The following RALYL variants were observed in gnomAD, a reference collection of about 807,000 sequenced individuals.
RALYL encodes RNA-binding Raly-like protein.
Under a neutral mutation model 35.1 loss-of-function variants are expected in RALYL, and 29 were observed. The ratio of observed to expected loss-of-function variants is 0.83; its 90% CI spans 0.61 to 1.13. The LOEUF is 1.13. Among genes scored for constraint, RALYL ranks in the 50% most tolerant of loss-of-function variants. The probability of loss-of-function intolerance (pLI) is 0.00; values close to 1 mark genes in which losing one functional copy is unlikely to be tolerated. For missense variants in RALYL, 359 were observed against 360.4 expected, an observed-to-expected ratio of 1.00 and a Z score of 0.03; for synonymous variants, 120 against 127.6, an observed-to-expected ratio of 0.94 and a Z score of 0.40.
At chr8:84,302,635 C>A (rs954024509) in intron 1 of RALYL, among the ~76,000 whole-genome samples, 2 of 152,088 alleles carry the variant, frequency 1.3e-5, no homozygotes, top group African/African-American at 4.8e-5. Context: ...AGTGGAAAGC[C>A]ATTTACGGGT....
At chr8:84,540,150 C>T (rs1215402518) in intron 2 of RALYL, among the ~76,000 whole-genome samples, 2 of 151,656 alleles carry the variant, frequency 1.3e-5, no homozygotes, top group African/African-American at 4.8e-5. Context: ...ACAACAATGT[C>T]TCTTGCAAAA....
chr8:84,692,867 A>T (rs775650930), intron 2 of RALYL, among the ~76,000 whole-genome samples: 3 of 151,982 alleles, frequency 2.0e-5, no homozygotes, highest in Non-Finnish European at 2.9e-5. Flanking sequence ...AAGAAAAGGG[A>T]GACATGGTAA....
intron 1 of RALYL, among the ~76,000 whole-genome samples, chr8:84,422,028 G>T (rs2045688007): frequency 6.6e-6 from 1 of 152,240 alleles, no homozygotes; most frequent in East Asian, 1.9e-4. Flanking sequence ...TTGTGTCTCT[G>T]CCTGACTTTG....
chr8:84,568,318 C>A (rs868228533), intron 2 of RALYL, among the ~76,000 whole-genome samples: 5 of 150,558 alleles, frequency 3.3e-5, no homozygotes, highest in Admixed American at 6.6e-5. Context: ...TTTGTCCTTG[C>A]GATACTTTGC....
At chr8:84,504,654 T>G (rs2057005762) in intron 1 of RALYL, among the ~76,000 whole-genome samples, 1 of 152,168 alleles carries the variant, frequency 6.6e-6, no homozygotes, top group African/African-American at 2.4e-5. Flanking sequence ...TGAGTAACTG[T>G]GCAGTAGCCT....
chr8:84,733,269 C>G (rs888406640), intron 2 of RALYL, among the ~76,000 whole-genome samples: 4 of 152,114 alleles, frequency 2.6e-5, no homozygotes, highest in Non-Finnish European at 5.9e-5. Flanking sequence ...GTTCTGTCAC[C>G]TGTCATCAGC....
At chr8:84,679,864 A>T in intron 2 of RALYL, 1 of 361,336 alleles carries the variant, frequency 2.8e-6, no homozygotes, top group Non-Finnish European at 5.3e-6. Context: ...TTTTTTTAAA[A>T]TTATACTTTA....
chr8:84,310,903 C>T (rs1452434440), intron 1 of RALYL, among the ~76,000 whole-genome samples: 5 of 144,280 alleles, frequency 3.5e-5, no homozygotes, highest in East Asian at 2.0e-4. Context: ...AAAAATTAGC[C>T]GGGCGCGGTG....
At chr8:84,646,500 G>A (rs1827528509) in intron 2 of RALYL, among the ~76,000 whole-genome samples, 1 of 151,966 alleles carries the variant, frequency 6.6e-6, no homozygotes, top group South Asian at 2.1e-4. Flanking sequence ...TTGGTTTTAT[G>A]GGAAAAATTT....
chr8:84,259,817 G>T (rs1238692615), intron 1 of RALYL, among the ~76,000 whole-genome samples: 1 of 152,088 alleles, frequency 6.6e-6, no homozygotes, highest in African/African-American at 2.4e-5. Flanking sequence ...GTGATAACAT[G>T]CTGTGTGTTT....
At chr8:84,477,924 C>T (rs1326707534) in intron 1 of RALYL, among the ~76,000 whole-genome samples, 4 of 151,894 alleles carry the variant, frequency 2.6e-5, no homozygotes, top group Non-Finnish European at 1.5e-5. Context: ...AAAGAAACTC[C>T]TTTTTTAATA....
At chr8:84,820,003 C>G (rs1474682526) in intron 4 of RALYL, among the ~76,000 whole-genome samples, 1 of 151,998 alleles carries the variant, frequency 6.6e-6, no homozygotes, top group Non-Finnish European at 1.5e-5. Context: ...TTGATGAGAT[C>G]TTTCATCACA....
intron 1 of RALYL, among the ~76,000 whole-genome samples, chr8:84,226,186 G>A (rs577510051): frequency 3.5e-4 from 54 of 152,196 alleles, no homozygotes; most frequent in Middle Eastern, 3.4e-3. Flanking sequence ...TGCATGCAAC[G>A]GATCTAGGTT....
At chr8:84,860,965 T>A (rs1419556796) in intron 5 of RALYL, among the ~76,000 whole-genome samples, 1 of 152,214 alleles carries the variant, frequency 6.6e-6, no homozygotes, top group Non-Finnish European at 1.5e-5. Context: ...TCTTAACTTT[T>A]ATTATATTTC....
At chr8:84,912,351 C>T (rs1275839697) in intron 8 of RALYL, among the ~76,000 whole-genome samples, 1 of 151,874 alleles carries the variant, frequency 6.6e-6, no homozygotes, top group Non-Finnish European at 1.5e-5. Context: ...GAACCAGAGA[C>T]TAAGACCAAA....
intron 2 of RALYL, among the ~76,000 whole-genome samples, chr8:84,735,713 A>G (rs1260768122): frequency 6.6e-6 from 1 of 151,948 alleles, no homozygotes; most frequent in African/African-American, 2.4e-5. Flanking sequence ...CCAATTATTG[A>G]GCATGTGGTT....
At chr8:84,827,322 C>T (rs1185523228) in intron 4 of RALYL, among the ~76,000 whole-genome samples, 1 of 151,982 alleles carries the variant, frequency 6.6e-6, no homozygotes, top group Non-Finnish European at 1.5e-5. Context: ...AATATGCTCA[C>T]CACAATAAAT....
At chr8:84,414,809 G>A (rs1384031697) in intron 1 of RALYL, among the ~76,000 whole-genome samples, 1 of 152,078 alleles carries the variant, frequency 6.6e-6, no homozygotes, top group East Asian at 1.9e-4. Flanking sequence ...AGACCTTAGA[G>A]TTCTACACAG....
chr8:84,579,425 G>A (rs531359822), intron 2 of RALYL, among the ~76,000 whole-genome samples: 22 of 152,262 alleles, frequency 1.4e-4, no homozygotes, highest in South Asian at 4.1e-4. Context: ...GCCCAGGAGC[G>A]TGGGGCTCCA....
Sources: allele counts gnomAD v4.1 joint callset (sites outside exome capture counted in the v4.1 genomes callset), GRCh38; gene constraint gnomAD v4.1.1; transcripts MANE v1.5; gene names NCBI Gene and HGNC (gene_info 2026-07-23, HGNC 2026-07-21).